The following SMC5 variants were observed in gnomAD, a reference collection of about 807,000 sequenced individuals.
SMC5 encodes the protein structural maintenance of chromosomes 5, also known as structural maintenance of chromosomes protein 5.
Under a neutral mutation model 148.3 loss-of-function variants are expected in SMC5, and 88 were observed. The observed-to-expected ratio is 0.59, with a 90% CI of 0.50 to 0.71. The LOEUF is 0.71. Ranked by LOEUF, SMC5 falls within the 30% of genes least tolerant of loss-of-function variation. The pLI is 0.00. For missense variants in SMC5, 1,142 were observed against 1,298.9 expected (o/e 0.88, Z 1.86); for synonymous variants, 421 against 432.8 (o/e 0.97, Z 0.34).
chr9:70,300,193 T>C lies in SMC5; in HGVS notation c.1457T>C (p.Met486Thr). ...KFKQRVCEPIMLTINMKDNKN... is the reference protein window; with the variant it reads ...KFKQRVCEPITLTINMKDNKN... ...AAACAAAGAGTCTGTGAGCCCATAA[T>C]GCTCACGGTAAGAAACTTTGTTCAT... Residue 486 changes from methionine (M) to threonine (T), a missense_variant, in exon 10 of 25, where the codon ATG (methionine) becomes ACG (threonine). By Grantham distance (81) the Met-to-Thr change is moderately conservative. This residue lies in a region of SMC5 where 743 missense variants were observed against 835.7 expected (regional missense o/e 0.89). Transcript: ENST00000361138. 6.3e-7 allele frequency: 1 copy of C among 1,586,212 alleles called. No individual in the cohort carries two copies. Among genetic ancestry groups the C allele is most frequent in the Non-Finnish European group, 8.5e-7 (1 of 1,172,722 alleles).
Position 70,354,066 on chromosome 9 carries a change from G to C in SMC5, c.*1735G>C, listed in dbSNP as rs2036856065. ...TAGGCCAACAACTGTTCCATACTTT[G>C]TTTGTAAACATTTAATTTCTCTACT... On this transcript the variant is annotated 3_prime_UTR_variant, in exon 25 of 25. Transcript: ENST00000361138. 6.6e-6 allele frequency: 1 copy of C among 152,080 alleles called. No individual in the cohort carries two copies. Among genetic ancestry groups the C allele is most frequent in the Non-Finnish European group, 1.5e-5 (1 of 68,006 alleles). The allele number at this position is 152,080 out of a possible 1,614,324, so 9.4% of individuals were successfully genotyped here. A position where few individuals can be genotyped will look rare whatever the true frequency, so the allele number is the denominator to read the frequency against.
Position 70,259,008 on chromosome 9 carries a change from A to C in SMC5, c.-71A>C, listed in dbSNP as rs1016087818. 61 of 1,479,604 alleles carry C rather than the reference A, an allele frequency of 4.1e-5. No individual in the cohort carries two copies. The highest frequency in any genetic ancestry group is 4.2e-4 in the Middle Eastern group (2 of 4,792). 91.7% of individuals were successfully genotyped at this position (1,479,604 alleles called of 1,614,324 possible). A position where few individuals can be genotyped will look rare whatever the true frequency, so the allele number is the denominator to read the frequency against. On this transcript the variant is annotated 5_prime_UTR_variant, in exon 1 of 25. The change abolishes an upstream ATG in the 5' untranslated region. Coordinates refer to ENST00000361138, the MANE Select transcript of SMC5 (RefSeq NM_015110.4). ...GCGCGGGAGCGGGGCGCCTGGGTGG[A>C]TGGGCGCTTGGGCGCCTGGGCTGCC...
chr9:70,348,184 C>A (rs1359384048), intron 22 of SMC5, 146 bp downstream of exon 22: 5 of 773,478 alleles, frequency 6.5e-6, no homozygotes, highest in Non-Finnish European at 9.6e-6. Context: ...AGAAAACCAC[C>A]TGTGGGATTC....
chr9:70,333,009 C>G (rs1257749365), intron 17 of SMC5, among the ~76,000 whole-genome samples: 1 of 152,120 alleles, frequency 6.6e-6, no homozygotes, highest in Non-Finnish European at 1.5e-5. Context: ...CCCCTTACAA[C>G]TGGGGACGAG....
intron 8 of SMC5, among the ~76,000 whole-genome samples, chr9:70,292,648 A>G (rs2035093810): frequency 6.6e-6 from 1 of 152,150 alleles, no homozygotes; most frequent in African/African-American, 2.4e-5. Context: ...TTAAAAGAAT[A>G]TGTATGCTCT....
intron 2 of SMC5, among the ~76,000 whole-genome samples, chr9:70,265,001 T>C (rs1467485677): frequency 1.3e-5 from 2 of 152,116 alleles, no homozygotes; most frequent in African/African-American, 4.8e-5. Context: ...TCTCTAAATA[T>C]AGAAAAGGTA....
chr9:70,308,860 T>A (rs563960884), intron 11 of SMC5, among the ~76,000 whole-genome samples: 1 of 152,096 alleles, frequency 6.6e-6, no homozygotes, highest in African/African-American at 2.4e-5. Context: ...TGACCTTATA[T>A]CCTGTGACAC....
At chr9:70,260,141 G>A (rs1243367385) in intron 1 of SMC5, among the ~76,000 whole-genome samples, 1 of 150,760 alleles carries the variant, frequency 6.6e-6, no homozygotes, top group Non-Finnish European at 1.5e-5. Flanking sequence ...GTGTCATACT[G>A]TCGTCCGGGC....
At chr9:70,268,440 T>C (rs1199269343) in intron 3 of SMC5, among the ~76,000 whole-genome samples, 1 of 151,496 alleles carries the variant, frequency 6.6e-6, no homozygotes, top group Non-Finnish European at 1.5e-5. Flanking sequence ...AGCTAGACTC[T>C]GCCCATGCCC....
chr9:70,338,053 C>CT (rs772400829), intron 17 of SMC5, among the ~76,000 whole-genome samples: 39 of 152,120 alleles, frequency 2.6e-4, no homozygotes, highest in Admixed American at 1.2e-3. Flanking sequence ...CTTACTCTCT[C>CT]ACCCAGGCTG....
At chr9:70,339,407 C>T (rs1033472563) in intron 17 of SMC5, among the ~76,000 whole-genome samples, 42 of 146,918 alleles carry the variant, frequency 2.9e-4, no homozygotes, top group African/African-American at 5.6e-4. Context: ...CCAGCCTGGG[C>T]GACAGAGCGA....
chr9:70,286,322 T>A, intron 8 of SMC5, 51 bp downstream of exon 8: 1 of 1,150,876 alleles, frequency 8.7e-7, no homozygotes, highest in Non-Finnish European at 1.3e-6. Flanking sequence ...CTCTAACTTT[T>A]GTTTTCAAAT....
At chr9:70,291,208 C>T (rs1165889052) in intron 8 of SMC5, among the ~76,000 whole-genome samples, 1 of 152,166 alleles carries the variant, frequency 6.6e-6, no homozygotes, top group East Asian at 1.9e-4. Context: ...TAGCTAATGA[C>T]TGAATCTGTA....
At chr9:70,300,232 G>GT (rs1283810356) in intron 10 of SMC5, 32 bp downstream of exon 10, 1 of 1,556,400 alleles carries the variant, frequency 6.4e-7, no homozygotes, top group Non-Finnish European at 8.6e-7. Context: ...GGTAGTATTG[G>GT]TTTTATTATT....
Position 70,352,215 on chromosome 9 carries a change from G to A in SMC5, c.3190G>A (p.Glu1064Lys). ...PKLLQNLPYS[E>K]KMTVLFVYNG... ...GCTCCTGCAAAATCTTCCTTATTCT[G>A]AAAAGATGACAGTTTTGTTTGTCTA... is the stretch of plus-strand genomic sequence containing the variant. The change falls in exon 25 of 25, where the codon GAA becomes AAA. Residue 1064 changes from glutamate to lysine, a missense_variant. This residue lies in a region of SMC5 where 63 missense variants were observed against 65.7 expected (regional missense o/e 0.96). Coordinates refer to ENST00000361138, the MANE Select transcript of SMC5 (RefSeq NM_015110.4). 1 of 1,611,194 alleles carries A rather than the reference G, an allele frequency of 6.2e-7. No individual in the cohort carries two copies. Among genetic ancestry groups the A allele is most frequent in the East Asian group, 2.2e-5 (1 of 44,846 alleles).
At chr9:70,271,262 A>T (rs972944925) in intron 3 of SMC5, among the ~76,000 whole-genome samples, 3 of 152,164 alleles carry the variant, frequency 2.0e-5, no homozygotes, top group Admixed American at 1.3e-4. Flanking sequence ...ATATAACTTT[A>T]AAAAAGTTAA....
Position 70,347,907 on chromosome 9 carries a change from CT to C in SMC5, c.2770-9del. The C allele has an allele frequency of 6.4e-7, 1 of 1,568,548 alleles. No individual in the cohort carries two copies. The highest frequency in any genetic ancestry group is 8.6e-7 in the Non-Finnish European group (1 of 1,158,760). On this transcript the variant is annotated splice_polypyrimidine_tract_variant and intron_variant, in intron 21 of 24. Coordinates refer to ENST00000361138, the MANE Select transcript of SMC5 (RefSeq NM_015110.4). ...CTTTTAAATTGTGTTTTTATATTGC[CT>C]TTATTTGTAGGTAAAAGAAAGGTGG... is the stretch of plus-strand genomic sequence containing the variant.
intron 1 of SMC5, among the ~76,000 whole-genome samples, chr9:70,261,548 A>G (rs1054832655): frequency 6.6e-6 from 1 of 152,232 alleles, no homozygotes; most frequent in African/African-American, 2.4e-5. Flanking sequence ...CCTGTGACTT[A>G]AAGTTTCCTT....
intron 17 of SMC5, among the ~76,000 whole-genome samples, chr9:70,329,120 T>C (rs944524339): frequency 6.6e-6 from 1 of 152,216 alleles, no homozygotes; most frequent in African/African-American, 2.4e-5. Flanking sequence ...AGGCCTGTGA[T>C]GGGAGGGGCT....
Sources: allele counts gnomAD v4.1 joint callset (sites outside exome capture counted in the v4.1 genomes callset), GRCh38; gene constraint gnomAD v4.1.1; regional missense constraint gnomAD v4.1.1; transcripts MANE v1.5; gene names NCBI Gene and HGNC (gene_info 2026-07-23, HGNC 2026-07-21).